The following TSC22D2 variants were observed in gnomAD, a reference collection of about 807,000 sequenced individuals.
TSC22D2 encodes the protein TSC22 domain family protein 2.
A neutral mutation model predicts 50.1 loss-of-function variants in TSC22D2; 5 were observed. The observed-to-expected ratio is 0.10, with a 90% CI of 0.05 to 0.21. The LOEUF (loss-of-function observed/expected upper bound fraction) is 0.21. Ranked by LOEUF, TSC22D2 falls within the 10% of genes least tolerant of loss-of-function variation. The pLI is 1.00. For synonymous variants in TSC22D2, 501 were observed against 450.1 expected (o/e 1.11, Z -1.43); for missense variants, 1,003 against 1,015.5 (o/e 0.99, Z 0.17).
chr3:150,410,537 C>A lies in TSC22D2; in HGVS notation c.1187C>A (p.Pro396His). Residue 396 changes from proline to histidine, a missense_variant, in exon 1 of 3, where the codon CCC becomes CAC. Around this residue, in one of 6 missense-constraint regions of TSC22D2, gnomAD observed 696 missense variants for 647.8 expected, o/e 1.07. Transcript: ENST00000688009. ...CTGCAGCCGCCAAGCCCCGCGCAGC[C>A]CTCGTCCACCGGCGCCGCAGCGAGC... ...AGLQPPSPAQ[P>H]SSTGAAASPA... is the part of the protein sequence containing the mutation. The A allele has an allele frequency of 6.4e-7, 1 of 1,567,348 alleles. No homozygotes were observed. The highest frequency in any genetic ancestry group is 2.4e-5 in the East Asian group (1 of 41,684).
intron 1 of TSC22D2, among the ~76,000 whole-genome samples, chr3:150,446,765 C>T (rs1473336578): frequency 6.6e-6 from 1 of 152,148 alleles, no homozygotes; most frequent in African/African-American, 2.4e-5. Context: ...GAAACGGTCC[C>T]TTGACAACCT....
rs1028123109 is a variant in TSC22D2, at chr3:150,461,037, C to G, written c.*2401C>G. The G allele has an allele frequency of 1.3e-5, 2 of 151,996 alleles. No individual in the cohort carries two copies. The highest frequency in any genetic ancestry group is 6.6e-5 in the Admixed American group (1 of 15,252). 9.4% of individuals were successfully genotyped at this position (151,996 alleles called of 1,614,324 possible). ...AAGAAATGCAAATTAATGTTTTTGG[C>G]GAATTGTAATAAGTGTCCTAAGTAG... is the stretch of plus-strand genomic sequence containing the variant. On this transcript the variant is annotated 3_prime_UTR_variant, in exon 3 of 3. Coordinates refer to ENST00000688009, the MANE Select transcript of TSC22D2 (RefSeq NM_001303264.2).
At position 150,408,813 on chromosome 3, in the gene TSC22D2, C is replaced by G. The variant is rs1267542242; in HGVS notation, c.-538C>G. On this transcript the variant is annotated 5_prime_UTR_variant, in exon 1 of 3. Coordinates refer to ENST00000688009, the MANE Select transcript of TSC22D2 (RefSeq NM_001303264.2). ...TTAGGCATCTCCGACTCCGGACTCG[C>G]CGCTCCTTCCCTCAGTCAGAGAGCC... 6.5e-6 allele frequency: 1 copy of G among 152,986 alleles called. No individual in the cohort carries two copies. The highest frequency in any genetic ancestry group is 1.5e-5 in the Non-Finnish European group (1 of 68,536). The allele number at this position is 152,986 out of a possible 1,614,324, so 9.5% of individuals were successfully genotyped here.
chr3:150,428,549 A>G (rs1444984243), intron 1 of TSC22D2, among the ~76,000 whole-genome samples: 1 of 151,808 alleles, frequency 6.6e-6, no homozygotes, highest in African/African-American at 2.4e-5. Context: ...GGAAGAATTT[A>G]TATGTAAATT....
intron 1 of TSC22D2, among the ~76,000 whole-genome samples, chr3:150,450,920 T>G (rs1231519019): frequency 1.3e-5 from 2 of 152,176 alleles, no homozygotes; most frequent in East Asian, 3.8e-4. Context: ...TTACAGTGCT[T>G]ATTTTGGGAG....
At chr3:150,452,068 T>C (rs6763024) in intron 1 of TSC22D2, among the ~76,000 whole-genome samples, 39,520 of 152,042 alleles carry the variant, frequency 0.26, 5,364 homozygotes, top group Middle Eastern at 0.42. Flanking sequence ...GGCTGAATTT[T>C]TTTATTTTAA....
intron 1 of TSC22D2, chr3:150,423,433 T>C (rs981449071): frequency 6.0e-6 from 1 of 167,808 alleles, no homozygotes; most frequent in African/African-American, 2.4e-5. Flanking sequence ...TTCTATAAAA[T>C]AAACTATATT....
chr3:150,436,462 TAAGTATTTCAGG>T (rs1221127147), intron 1 of TSC22D2, among the ~76,000 whole-genome samples: 2 of 152,182 alleles, frequency 1.3e-5, no homozygotes, highest in Non-Finnish European at 2.9e-5. Context: ...GCATTATAGA[TAAGTATTTCAGG>T]AAGTATTTAC....
intron 1 of TSC22D2, among the ~76,000 whole-genome samples, chr3:150,443,769 T>G (rs1360876916): frequency 6.6e-6 from 1 of 152,230 alleles, no homozygotes; most frequent in Non-Finnish European, 1.5e-5. Context: ...AGAGAACACA[T>G]AGATACTTAT....
At position 150,459,572 on chromosome 3, in the gene TSC22D2, G is replaced by GTTTTTTTTTTTTTGTTTTTTTTTTTT. The variant is rs1721312726; in HGVS notation, c.*951_*952insTTTTTTTTTTTTTTTTTTTTTTTTGT. 3 of 115,560 alleles carry GTTTTTTTTTTTTTGTTTTTTTTTTTT rather than the reference G, an allele frequency of 2.6e-5. No individual in the cohort carries two copies. The highest frequency in any genetic ancestry group is 2.7e-4 in the East Asian group (1 of 3,656). The allele number at this position is 115,560 out of a possible 1,614,324, so 7.2% of individuals were successfully genotyped here. ...TAATGGAGTTTGGTTTTTTTTTGTT[G>GTTTTTTTTTTTTTGTTTTTTTTTTTT]TTTTTTTTTTTTTGTCTTTTTTTTT... On this transcript the variant is annotated 3_prime_UTR_variant, in exon 3 of 3. Transcript: ENST00000688009.
chr3:150,456,572 A>G (rs567636707), intron 1 of TSC22D2, among the ~76,000 whole-genome samples: 1 of 152,260 alleles, frequency 6.6e-6, no homozygotes, highest in East Asian at 1.9e-4. Context: ...TTAAAAAACT[A>G]GATGTTAAAG....
In TSC22D2 at chr3:150,462,125, G is replaced by C. The variant is rs1721434764; in HGVS notation, c.*3489G>C. 2 of 150,278 alleles carry C rather than the reference G, an allele frequency of 1.3e-5. No homozygotes were observed. Among genetic ancestry groups the C allele is most frequent in the South Asian group, 4.1e-4 (2 of 4,830 alleles). 9.3% of individuals were successfully genotyped at this position (150,278 alleles called of 1,614,324 possible). A position where few individuals can be genotyped will look rare whatever the true frequency, so the allele number is the denominator to read the frequency against. ...GAATACTTGTTACTATGTACAGTCA[G>C]GGATGGTTTTGTCAGGGTAGGTTTC... On this transcript the variant is annotated 3_prime_UTR_variant, in exon 3 of 3. Coordinates refer to ENST00000688009, the MANE Select transcript of TSC22D2 (RefSeq NM_001303264.2).
intron 2 of TSC22D2, 45 bp downstream of exon 2, chr3:150,457,172 G>A: frequency 6.5e-7 from 1 of 1,534,828 alleles, no homozygotes; most frequent in South Asian, 1.2e-5. Context: ...ATTGTTGGTT[G>A]TATGGAACAC....
chr3:150,458,811 G>C lies in TSC22D2; in HGVS notation c.*175G>C. On this transcript the variant is annotated 3_prime_UTR_variant, in exon 3 of 3. Transcript: ENST00000688009. Reference sequence around the variant, plus strand: ...TTTCCTCTCTCTGAGATGTCATGCAGCGCTGTTGATGTCCAGTTCTATGTC... The same window carrying C: ...TTTCCTCTCTCTGAGATGTCATGCACCGCTGTTGATGTCCAGTTCTATGTC... The C allele has an allele frequency of 1.3e-6, 1 of 752,530 alleles. No homozygotes were observed. The highest frequency in any genetic ancestry group is 2.1e-6 in the Non-Finnish European group (1 of 468,892). 46.6% of individuals were successfully genotyped at this position (752,530 alleles called of 1,614,324 possible). A position where few individuals can be genotyped will look rare whatever the true frequency, so the allele number is the denominator to read the frequency against.
intron 1 of TSC22D2, among the ~76,000 whole-genome samples, chr3:150,441,581 G>C (rs892832658): frequency 6.6e-6 from 1 of 152,040 alleles, no homozygotes; most frequent in Non-Finnish European, 1.5e-5. Context: ...ACAACATAGG[G>C]AGACCCCGTC....
chr3:150,410,503 G>A lies in TSC22D2; in HGVS notation c.1153G>A (p.Val385Met), dbSNP rs1199725644. ...SGQSEYLQQH[V>M]AGLQPPSPAQ... ...CCAGAGTGAGTACCTGCAGCAGCAC[G>A]TGGCCGGCCTGCAGCCGCCAAGCCC... Residue 385 changes from valine to methionine, a missense_variant, in exon 1 of 3, where the codon GTG becomes ATG. Val to Met is a conservative substitution (Grantham distance 21). Transcript: ENST00000688009. The A allele has an allele frequency of 3.8e-6, 6 of 1,598,022 alleles. No homozygotes were observed. Among genetic ancestry groups the A allele is most frequent in the Non-Finnish European group, 5.1e-6 (6 of 1,173,894 alleles).
At chr3:150,422,003 C>A (rs1448965214) in intron 1 of TSC22D2, among the ~76,000 whole-genome samples, 3 of 152,210 alleles carry the variant, frequency 2.0e-5, no homozygotes, top group Admixed American at 1.3e-4. Flanking sequence ...AGGCAAGTTA[C>A]TTCTATCTGA....
rs1322918641 is a variant in TSC22D2 at position 150,410,659 on chromosome 3, A to G, written c.1309A>G (p.Met437Val). The change falls in exon 1 of 3, where the codon ATG becomes GTG. Residue 437 changes from methionine to valine, a missense_variant. Physicochemically the swap from Met to Val is conservative, Grantham distance 21. Coordinates refer to ENST00000688009, the MANE Select transcript of TSC22D2 (RefSeq NM_001303264.2). ...MGASSQPSEA[M>V]APRTGPAQGG... ...CGCGTCTTCCCAGCCCAGCGAAGCC[A>G]TGGCCCCCCGGACGGGACCAGCGCA... 6 of 1,554,726 alleles carry G rather than the reference A, an allele frequency of 3.9e-6. No homozygotes were observed. Among genetic ancestry groups the G allele is most frequent in the South Asian group, 3.5e-5 (3 of 85,110 alleles).
intron 1 of TSC22D2, among the ~76,000 whole-genome samples, chr3:150,436,340 G>T (rs543474125): frequency 6.1e-4 from 93 of 151,280 alleles, no homozygotes; most frequent in African/African-American, 2.2e-3. Flanking sequence ...GGCTTTTTTT[G>T]TTGGCAGGCC....
Sources: allele counts gnomAD v4.1 joint callset (sites outside exome capture counted in the v4.1 genomes callset), GRCh38; gene constraint gnomAD v4.1.1; regional missense constraint gnomAD v4.1.1; transcripts MANE v1.5; gene names NCBI Gene and HGNC (gene_info 2026-07-23, HGNC 2026-07-21).